The following LRP5 variants were observed in gnomAD, a reference collection of about 807,000 sequenced individuals.
The protein encoded by LRP5 is LDL receptor related protein 5, also known as low-density lipoprotein receptor-related protein 5.
Under a neutral mutation model 154.1 loss-of-function variants are expected in LRP5, and 62 were observed. That is an observed-to-expected ratio of 0.40 (90% CI 0.33 to 0.50). The LOEUF (loss-of-function observed/expected upper bound fraction) is 0.50, where lower values mean the gene tolerates loss of function less well. Among genes scored for constraint, LRP5 ranks in the 20% least tolerant of loss-of-function variants. The pLI, the probability that LRP5 is intolerant of heterozygous loss-of-function variation, is 0.55. For missense variants in LRP5, 1,915 were observed against 2,336.7 expected, an observed-to-expected ratio of 0.82 and a Z score of 3.72; for synonymous variants, 966 against 1,011.5, an observed-to-expected ratio of 0.96 and a Z score of 0.85.
chr11:68,374,252 C>A (rs777135721), intron 5 of LRP5, among the ~76,000 whole-genome samples: 1 of 152,232 alleles, frequency 6.6e-6, no homozygotes, highest in Non-Finnish European at 1.5e-5. Context: ...GCTCAGGAAG[C>A]AGGGCCCGCT....
chr11:68,312,624 C>A lies in LRP5; in HGVS notation c.-91C>A. 2.1e-6 allele frequency: 1 copy of A among 486,780 alleles called. No individual in the cohort carries two copies. Among genetic ancestry groups the A allele is most frequent in the Non-Finnish European group, 2.7e-6 (1 of 374,684 alleles). 30.2% of individuals were successfully genotyped at this position (486,780 alleles called of 1,614,324 possible). A position where few individuals can be genotyped will look rare whatever the true frequency, so the allele number is the denominator to read the frequency against. On this transcript the variant is annotated 5_prime_UTR_variant, in exon 1 of 23. Coordinates refer to ENST00000294304, the MANE Select transcript of LRP5 (RefSeq NM_002335.4). ...GGTCCGCGGCGCCCGAGGGGGGAGG[C>A]GGAGGCGCCGGGAGCCGCGCGAGGA...
At chr11:68,422,486 A>G (rs2153172466) in intron 13 of LRP5, among the ~76,000 whole-genome samples, 1 of 152,302 alleles carries the variant, frequency 6.6e-6, no homozygotes, top group East Asian at 1.9e-4. Flanking sequence ...CGCAGGCAGT[A>G]GGCTTCTGGG....
intron 12 of LRP5, 77 bp downstream of exon 12, chr11:68,414,089 C>A: frequency 7.2e-7 from 1 of 1,383,146 alleles, no homozygotes; most frequent in Non-Finnish European, 1.0e-6. Context: ...CTGAAAGGAG[C>A]TTCTCATCTG....
intron 5 of LRP5, among the ~76,000 whole-genome samples, chr11:68,376,622 C>T (rs981690834): frequency 1.3e-5 from 2 of 152,330 alleles, no homozygotes; most frequent in Admixed American, 6.5e-5. Flanking sequence ...CCATGTATAC[C>T]GGGGTGGCCT....
rs374104266 is a variant in LRP5 at position 68,449,074 on chromosome 11, C to T, written c.*4C>T. 370 of 1,534,316 alleles carry T rather than the reference C, an allele frequency of 2.4e-4. No individual in the cohort carries two copies. The highest frequency in any genetic ancestry group is 2.5e-4 in the Non-Finnish European group (289 of 1,142,274). ...CCCCTGCACGGACTCATCCTGACCT[C>T]GGCCGGGCCACTCTGGCTTCTCTGT... On this transcript the variant is annotated 3_prime_UTR_variant, in exon 23 of 23. Coordinates refer to ENST00000294304, the MANE Select transcript of LRP5 (RefSeq NM_002335.4).
the LRP5 span, among the ~76,000 whole-genome samples, chr11:68,300,315 G>A: frequency 2.0e-5 from 3 of 149,370 alleles, no homozygotes; most frequent in South Asian, 2.1e-4. Flanking sequence ...GGACAAGGGA[G>A]GGGATTAGCC....
intron 1 of LRP5, among the ~76,000 whole-genome samples, chr11:68,313,961 G>A (rs2098590953): frequency 1.3e-5 from 2 of 152,176 alleles, no homozygotes. Flanking sequence ...CTTGGAGTTT[G>A]TTTCACGTCC....
At chr11:68,360,282 A>G (rs1358877638) in intron 3 of LRP5, among the ~76,000 whole-genome samples, 1 of 152,112 alleles carries the variant, frequency 6.6e-6, no homozygotes, top group Admixed American at 6.5e-5. Context: ...CTCTCAAAGC[A>G]CTGGGATTAT....
chr11:68,300,228 T>C, the LRP5 span, among the ~76,000 whole-genome samples: 2 of 148,584 alleles, frequency 1.3e-5, 1 homozygote, highest in Non-Finnish European at 3.0e-5. Flanking sequence ...TCCCGTGGCG[T>C]TTACAAGCTG....
intron 3 of LRP5, 36 bp from the exon 4 acceptor site, chr11:68,363,711 C>T: frequency 1.3e-6 from 2 of 1,573,610 alleles, no homozygotes; most frequent in Non-Finnish European, 1.7e-6. Context: ...GGGGGACCCT[C>T]CTGATGGCTC....
chr11:68,308,763 T>G (rs2098585564), upstream of LRP5, among the ~76,000 whole-genome samples: 1 of 151,932 alleles, frequency 6.6e-6, no homozygotes, highest in African/African-American at 2.4e-5. Flanking sequence ...TTTTTTTCTT[T>G]TTTGAGATGG....
intron 6 of LRP5, among the ~76,000 whole-genome samples, chr11:68,387,173 G>A (rs2098643530): frequency 6.6e-6 from 1 of 150,700 alleles, no homozygotes; most frequent in Non-Finnish European, 1.5e-5. Context: ...GGAGTGCAGT[G>A]GTGTGATCTC....
At chr11:68,308,695 C>T (rs1398705179), upstream of LRP5, among the ~76,000 whole-genome samples, 2 of 151,914 alleles carry the variant, frequency 1.3e-5, no homozygotes, top group Admixed American at 6.6e-5. Flanking sequence ...GTCAGGCACC[C>T]TGGGACCTTG....
chr11:68,302,766 G>A, the LRP5 span, among the ~76,000 whole-genome samples: 1 of 152,226 alleles, frequency 6.6e-6, no homozygotes, highest in South Asian at 2.1e-4. Context: ...GCAAGGCTGT[G>A]GCTGCAGCTG....
At position 68,410,075 on chromosome 11, in the gene LRP5, C is replaced by T; in HGVS notation, c.2253C>T (p.Phe751=). 5 of 1,614,012 alleles carry T rather than the reference C, an allele frequency of 3.1e-6. No individual in the cohort carries two copies. The highest frequency in any genetic ancestry group is 4.2e-6 in the Non-Finnish European group (5 of 1,180,026). Residue 751 remains phenylalanine, a synonymous_variant, in exon 10 of 23, where the codon TTC becomes TTT. Transcript: ENST00000294304. The stretch of plus-strand genomic sequence containing the variant: ...AAGTGGCGCGGCTGGACGGGCAGTT[C>T]CGGCAAGTCCTCGTGTGGAGGGACT... ...RIEVARLDGQ[F]RQVLVWRDLD...
chr11:68,365,771 G>A (rs1024567771), intron 5 of LRP5, 69 bp downstream of exon 5: 12 of 1,429,748 alleles, frequency 8.4e-6, no homozygotes, highest in Admixed American at 2.3e-5. Flanking sequence ...TGCGGCCGCC[G>A]GGGGTGCCCC....
At chr11:68,414,116 A>C (rs1242608378) in intron 12 of LRP5, 104 bp downstream of exon 12, 3 of 1,126,234 alleles carry the variant, frequency 2.7e-6, no homozygotes, top group Non-Finnish European at 3.9e-6. Flanking sequence ...CTGGGTGTAC[A>C]TAGATGGTTG....
intron 1 of LRP5, among the ~76,000 whole-genome samples, chr11:68,336,899 C>T (rs2098606005): frequency 6.6e-6 from 1 of 152,368 alleles, no homozygotes; most frequent in South Asian, 2.1e-4. Context: ...CCATCTCCCA[C>T]CACAATTTAA....
At position 68,365,720 on chromosome 11, in the gene LRP5, G is replaced by A. The variant is rs1472032890; in HGVS notation, c.1015+18G>A. The A allele has an allele frequency of 1.3e-6, 2 of 1,503,964 alleles. No homozygotes were observed. The highest frequency in any genetic ancestry group is 1.8e-6 in the Non-Finnish European group (2 of 1,125,402). 93.2% of individuals were successfully genotyped at this position (1,503,964 alleles called of 1,614,324 possible). A position where few individuals can be genotyped will look rare whatever the true frequency, so the allele number is the denominator to read the frequency against. ...TAAGGCAGGTGAGGCGGTGGGACGG[G>A]ACGGGGCGGGCGGGCGGGGCGGGGC... On this transcript the variant is annotated intron_variant, in intron 5 of 22. Coordinates refer to ENST00000294304, the MANE Select transcript of LRP5 (RefSeq NM_002335.4).
Sources: gnomAD v4.1 joint callset for allele counts (sites outside exome capture counted in the v4.1 genomes callset) on GRCh38, gnomAD v4.1.1 for gene constraint, MANE v1.5 for transcripts, NCBI Gene and HGNC (gene_info 2026-07-23, HGNC 2026-07-21) for gene names.